The following CTNNA2 variants were observed in gnomAD, a reference collection of about 807,000 sequenced individuals.
CTNNA2 encodes the protein catenin alpha 2.
Under a neutral mutation model 101.0 loss-of-function variants are expected in CTNNA2, and 42 were observed. The ratio of observed to expected loss-of-function variants is 0.42; its 90% CI spans 0.32 to 0.54. The LOEUF is 0.54. Among genes scored for constraint, CTNNA2 ranks in the 20% least tolerant of loss-of-function variants. The pLI is 0.14. For missense variants in CTNNA2, 871 were observed against 1,223.1 expected, an observed-to-expected ratio of 0.71 and a Z score of 4.29; for synonymous variants, 450 against 456.4, an observed-to-expected ratio of 0.99 and a Z score of 0.18.
At chr2:79,783,568 G>T (rs1178151218) in intron 3 of CTNNA2, among the ~76,000 whole-genome samples, 9 of 152,136 alleles carry the variant, frequency 5.9e-5, no homozygotes, top group Non-Finnish European at 1.3e-4. Flanking sequence ...TCTTCAGTGG[G>T]AAGAGTGGCT....
At chr2:80,127,495 G>A (rs1038830648) in intron 7 of CTNNA2, among the ~76,000 whole-genome samples, 2 of 152,176 alleles carry the variant, frequency 1.3e-5, no homozygotes, top group African/African-American at 4.8e-5. Flanking sequence ...GTGGAAATCT[G>A]TATGGCCAGG....
chr2:79,783,715 G>A (rs1046364110), intron 3 of CTNNA2, among the ~76,000 whole-genome samples: 4 of 151,916 alleles, frequency 2.6e-5, no homozygotes, highest in South Asian at 2.1e-4. Context: ...TGTCTTCCCT[G>A]CCAACATGTA....
rs1033567945 is a variant in CTNNA2, at chr2:80,333,812, C to T, written c.1057-59399C>T. On this transcript the variant is annotated intron_variant, in intron 7 of 18. Coordinates refer to ENST00000402739, the MANE Select transcript of CTNNA2 (RefSeq NM_001282597.3). The stretch of plus-strand genomic sequence containing the variant: ...CTAATTTTTGTATTTTTACTAGAGA[C>T]GGGTTTCGCCATGTTGGCCAGTCTG... 5.9e-5 allele frequency among the ~76,000 whole-genome samples: 9 copies of T among 152,250 alleles called. No homozygotes were observed. In the South Asian group the frequency reaches 8.3e-4, roughly 14 times the overall value.
At chr2:79,500,160 C>T (rs1203728423) in intron 4 of CTNNA2, among the ~76,000 whole-genome samples, 1 of 152,198 alleles carries the variant, frequency 6.6e-6, no homozygotes, top group Non-Finnish European at 1.5e-5. Context: ...GATCTGTGCT[C>T]ATTCATGACC....
intron 7 of CTNNA2, among the ~76,000 whole-genome samples, chr2:80,094,623 T>TGG (rs1700024201): frequency 6.6e-6 from 1 of 152,228 alleles, no homozygotes; most frequent in Non-Finnish European, 1.5e-5. Context: ...CGATATTGAT[T>TGG]CTTCCTACCC....
chr2:79,399,314 G>A (rs2104479206), intron 4 of CTNNA2, among the ~76,000 whole-genome samples: 1 of 152,064 alleles, frequency 6.6e-6, no homozygotes, highest in African/African-American at 2.4e-5. Context: ...ATGTATGCAG[G>A]GCTGTGCTCA....
At chr2:79,994,335 C>T (rs1373902435) in intron 7 of CTNNA2, among the ~76,000 whole-genome samples, 4 of 152,170 alleles carry the variant, frequency 2.6e-5, no homozygotes, top group Admixed American at 2.0e-4. Context: ...TGGTAAACCA[C>T]GAGTTGCGAC....
intron 4 of CTNNA2, among the ~76,000 whole-genome samples, chr2:79,393,453 C>G (rs181461363): frequency 2.8e-4 from 43 of 152,154 alleles, no homozygotes; most frequent in South Asian, 2.5e-3. Flanking sequence ...GCTTCTCTCA[C>G]ACTACACTGG....
chr2:80,539,336 G>C (rs1201795189), intron 9 of CTNNA2, among the ~76,000 whole-genome samples: 1 of 126,912 alleles, frequency 7.9e-6, no homozygotes, highest in Non-Finnish European at 1.6e-5. Context: ...TGTTGTTGTT[G>C]TTGTTCTTTC....
At chr2:80,050,244 T>C (rs1300870836) in intron 7 of CTNNA2, among the ~76,000 whole-genome samples, 1 of 152,108 alleles carries the variant, frequency 6.6e-6, no homozygotes, top group Non-Finnish European at 1.5e-5. Context: ...CCTCCTAAAC[T>C]ATGGAGCCAC....
chr2:79,277,377 C>T (rs1675239949), intron 2 of CTNNA2, among the ~76,000 whole-genome samples: 1 of 151,990 alleles, frequency 6.6e-6, no homozygotes, highest in African/African-American at 2.4e-5. Context: ...AAGCTGAATT[C>T]CAATATCAGC....
chr2:80,456,819 A>G (rs1233665956), intron 9 of CTNNA2, among the ~76,000 whole-genome samples: 1 of 152,166 alleles, frequency 6.6e-6, no homozygotes, highest in Non-Finnish European at 1.5e-5. Flanking sequence ...GAAGGTGGTT[A>G]TCAGAGGCAG....
intron 1 of CTNNA2, among the ~76,000 whole-genome samples, chr2:79,598,291 T>G (rs547492693): frequency 6.6e-6 from 1 of 152,232 alleles, no homozygotes; most frequent in Non-Finnish European, 1.5e-5. Flanking sequence ...GGTTTTTGTG[T>G]GGACACATGA....
rs1683660592 is a variant in CTNNA2, at chr2:79,682,654, C to T, written c.102+30996C>T. Among the ~76,000 whole-genome samples, 3 of 152,042 alleles carry T rather than the reference C, an allele frequency of 2.0e-5. No homozygotes were observed. In the South Asian group the frequency reaches 6.2e-4, roughly 32 times the overall value. On this transcript the variant is annotated intron_variant, in intron 2 of 18. Coordinates refer to ENST00000402739, the MANE Select transcript of CTNNA2 (RefSeq NM_001282597.3). ...AAGGGGGAAAATTTATATACAAATT[C>T]AGCCTTGAACCTTCCTGAACTTACT...
At chr2:79,699,080 T>A (rs373368200) in intron 2 of CTNNA2, among the ~76,000 whole-genome samples, 8 of 152,098 alleles carry the variant, frequency 5.3e-5, no homozygotes, top group Admixed American at 1.3e-4. Flanking sequence ...TTGAATAAAT[T>A]TTGTACTATA....
rs955473485 is a variant in CTNNA2, at chr2:80,302,532, T to C, written c.1057-90679T>C. On this transcript the variant is annotated intron_variant, in intron 7 of 18. Coordinates refer to ENST00000402739, the MANE Select transcript of CTNNA2 (RefSeq NM_001282597.3). This position sits in a 1 kb window ranked among gnomAD's most constrained non-coding sequence, Gnocchi z 6.4. ...GAGAAGATGAGGGCCATGGTGCCCG[T>C]GACCACCTTGTGGATCTGCACGGCG... The C allele has an allele frequency of 6.2e-7, 1 of 1,611,572 alleles. No individual in the cohort carries two copies. The highest frequency in any genetic ancestry group is 8.5e-7 in the Non-Finnish European group (1 of 1,179,970).
At chr2:79,428,324 G>T (rs1420310729) in intron 4 of CTNNA2, among the ~76,000 whole-genome samples, 2 of 151,976 alleles carry the variant, frequency 1.3e-5, no homozygotes, top group African/African-American at 4.8e-5. Context: ...GTTTTAAATG[G>T]TGACTTTCTG....
chr2:80,177,720 TCA>T (rs1705484371), intron 7 of CTNNA2, among the ~76,000 whole-genome samples: 1 of 152,194 alleles, frequency 6.6e-6, no homozygotes, highest in African/African-American at 2.4e-5. Context: ...ACAAATATCT[TCA>T]CAGTTTTTGA....
At chr2:79,519,161 G>A (rs760911924) in intron 1 of CTNNA2, among the ~76,000 whole-genome samples, 12 of 150,974 alleles carry the variant, frequency 7.9e-5, no homozygotes, top group Non-Finnish European at 1.0e-4. Context: ...CCCAGGAGGC[G>A]GAGGCTGCAG....
Sources: gnomAD v4.1 joint callset for allele counts (sites outside exome capture counted in the v4.1 genomes callset) on GRCh38, gnomAD v4.1.1 for gene constraint, Gnocchi (gnomAD v3.1) non-coding constraint, MANE v1.5 for transcripts, NCBI Gene and HGNC (gene_info 2026-07-23, HGNC 2026-07-21) for gene names.